Variants in TMPRSS15 observed in about 807,000 individuals in gnomAD.
TMPRSS15 encodes the protein transmembrane serine protease 15.
Under a neutral mutation model 125.3 loss-of-function variants are expected in TMPRSS15, and 128 were observed. The ratio of observed to expected loss-of-function variants is 1.02; its 90% CI spans 0.89 to 1.18. TMPRSS15 has a LOEUF of 1.18. TMPRSS15 is among the 50% of genes most tolerant of loss of function. The pLI, the probability that TMPRSS15 is intolerant of heterozygous loss-of-function variation, is 0.00. For missense variants in TMPRSS15, 1,283 were observed against 1,212.7 expected (o/e 1.06, Z -0.86); for synonymous variants, 446 against 423.2 (o/e 1.05, Z -0.66).
At chr21:18,415,678 AC>A (rs1311437764) in intron 1 of TMPRSS15, among the ~76,000 whole-genome samples, 2 of 152,062 alleles carry the variant, frequency 1.3e-5, no homozygotes, top group African/African-American at 4.8e-5. Context: ...GTATGAGTTT[AC>A]ATCTGGTCTC....
intron 1 of TMPRSS15, among the ~76,000 whole-genome samples, chr21:18,423,681 G>T (rs1034265938): frequency 6.6e-6 from 1 of 151,470 alleles, no homozygotes; most frequent in African/African-American, 2.4e-5. Flanking sequence ...CTCCCAAAGT[G>T]CTGGGATGAC....
At chr21:18,290,118 T>C (rs1427412807) in intron 21 of TMPRSS15, among the ~76,000 whole-genome samples, 2 of 152,298 alleles carry the variant, frequency 1.3e-5, no homozygotes, top group Non-Finnish European at 1.5e-5. Context: ...TTGTGGATAA[T>C]AGGAACAATG....
chr21:18,415,134 C>T (rs962558773), intron 1 of TMPRSS15, among the ~76,000 whole-genome samples: 3 of 152,068 alleles, frequency 2.0e-5, no homozygotes, highest in Non-Finnish European at 2.9e-5. Context: ...TTTTTACACA[C>T]CTGCTGGCCA....
intron 1 of TMPRSS15, among the ~76,000 whole-genome samples, chr21:18,444,237 T>C (rs1234547038): frequency 4.6e-5 from 7 of 152,144 alleles, no homozygotes; most frequent in African/African-American, 1.4e-4. Flanking sequence ...TCAACCTAAA[T>C]GCCCATTAAC....
At chr21:18,301,136 C>G (rs1357849100) in intron 18 of TMPRSS15, among the ~76,000 whole-genome samples, 3 of 152,024 alleles carry the variant, frequency 2.0e-5, no homozygotes, top group South Asian at 4.1e-4. Context: ...CATTTTTGTA[C>G]TAAATATTGT....
intron 19 of TMPRSS15, among the ~76,000 whole-genome samples, chr21:18,297,018 A>G (rs1253391658): frequency 6.6e-6 from 1 of 152,214 alleles, no homozygotes; most frequent in Non-Finnish European, 1.5e-5. Context: ...GTTTGTAGTT[A>G]TGGCTTCTTG....
chr21:18,428,551 G>C (rs1358588733), intron 1 of TMPRSS15, among the ~76,000 whole-genome samples: 1 of 152,110 alleles, frequency 6.6e-6, no homozygotes, highest in Non-Finnish European at 1.5e-5. Flanking sequence ...GCAGCTTATG[G>C]ACTTGGTGCT....
chr21:18,473,290 G>A (rs933633863), intron 1 of TMPRSS15, among the ~76,000 whole-genome samples: 1 of 152,042 alleles, frequency 6.6e-6, no homozygotes, highest in African/African-American at 2.4e-5. Flanking sequence ...TTAGTTAGTA[G>A]AATGTTATTT....
intron 16 of TMPRSS15, among the ~76,000 whole-genome samples, chr21:18,319,898 T>A (rs773031629): frequency 1.1e-4 from 16 of 152,240 alleles, no homozygotes; most frequent in Non-Finnish European, 1.9e-4. Flanking sequence ...GAAATCTGTA[T>A]TTTTTCATCT....
At chr21:18,369,736 T>C (rs942637183) in intron 6 of TMPRSS15, among the ~76,000 whole-genome samples, 4 of 151,974 alleles carry the variant, frequency 2.6e-5, no homozygotes, top group African/African-American at 9.7e-5. Flanking sequence ...TGAATATAGA[T>C]TGATGGACAG....
intron 16 of TMPRSS15, among the ~76,000 whole-genome samples, chr21:18,320,873 T>G (rs2075226143): frequency 6.6e-6 from 1 of 152,238 alleles, no homozygotes; most frequent in South Asian, 2.1e-4. Context: ...TTATTTCTGA[T>G]AGTTTTATGC....
At chr21:18,312,749 G>A (rs8127234) in intron 18 of TMPRSS15, among the ~76,000 whole-genome samples, 196 bp downstream of exon 18, 3,455 of 151,980 alleles carry the variant, frequency 0.023, 129 homozygotes, top group African/African-American at 0.078. Context: ...ACTTTATACA[G>A]TATTCATACA....
chr21:18,452,791 A>G (rs1193120598), intron 1 of TMPRSS15, among the ~76,000 whole-genome samples: 1 of 152,184 alleles, frequency 6.6e-6, no homozygotes, highest in Non-Finnish European at 1.5e-5. Flanking sequence ...TTATTGAGTT[A>G]CAATTAATAT....
chr21:18,373,383 T>C (rs1025589362), intron 5 of TMPRSS15, among the ~76,000 whole-genome samples: 2 of 152,098 alleles, frequency 1.3e-5, no homozygotes, highest in Non-Finnish European at 2.9e-5. Context: ...TCTAAAATTA[T>C]AGGACAGAGT....
intron 1 of TMPRSS15, among the ~76,000 whole-genome samples, chr21:18,465,363 C>G (rs1380845873): frequency 6.6e-6 from 1 of 152,112 alleles, no homozygotes; most frequent in African/African-American, 2.4e-5. Flanking sequence ...GACAGGGATG[C>G]CCTCTCTCAC....
chr21:18,371,262 C>G (rs184296140), intron 6 of TMPRSS15, among the ~76,000 whole-genome samples: 2 of 152,104 alleles, frequency 1.3e-5, no homozygotes, highest in Non-Finnish European at 2.9e-5. Context: ...TATACTTATA[C>G]ATTGTTTATT....
chr21:18,291,384 A>C (rs2074832099), intron 21 of TMPRSS15, among the ~76,000 whole-genome samples: 1 of 152,246 alleles, frequency 6.6e-6, no homozygotes, highest in South Asian at 2.1e-4. Context: ...GAACAGGCAC[A>C]GGGTTATTTA....
intron 7 of TMPRSS15, among the ~76,000 whole-genome samples, chr21:18,363,388 G>A (rs185216230): frequency 4.4e-4 from 67 of 152,100 alleles, no homozygotes; most frequent in African/African-American, 7.7e-4. Context: ...TAATTTTTGC[G>A]TAAAGGACAT....
At chr21:18,398,422 C>T (rs575964971) in intron 1 of TMPRSS15, 93 bp from the exon 2 acceptor site, 30 of 1,326,186 alleles carry the variant, frequency 2.3e-5, no homozygotes, top group South Asian at 1.7e-4. Flanking sequence ...GTAAAGCTCT[C>T]GCCTGATGTG....
Sources: allele counts gnomAD v4.1 joint callset (sites outside exome capture counted in the v4.1 genomes callset), GRCh38; gene constraint gnomAD v4.1.1; transcripts MANE v1.5; gene names NCBI Gene and HGNC (gene_info 2026-07-23, HGNC 2026-07-21).